AGTPBP1: variants seen among roughly 807,000 people sequenced by gnomAD.
AGTPBP1 encodes ATP/GTP binding carboxypeptidase 1.
In AGTPBP1, 70 loss-of-function variants were observed where a neutral mutation model predicts 143.9. The ratio of observed to expected loss-of-function variants is 0.49; its 90% confidence interval spans 0.40 to 0.59. The LOEUF (loss-of-function observed/expected upper bound fraction) is 0.59. Among genes scored for constraint, AGTPBP1 ranks in the 20% least tolerant of loss-of-function variants. AGTPBP1 has a pLI of 0.00. For missense variants in AGTPBP1, 1,229 were observed against 1,464.5 expected, an observed-to-expected ratio of 0.84 and a Z score of 2.62; for synonymous variants, 463 against 500.2, an observed-to-expected ratio of 0.93 and a Z score of 0.99.
intron 25 of AGTPBP1, among the ~76,000 whole-genome samples, chr9:85,566,598 C>G (rs1827118884): frequency 6.6e-6 from 1 of 150,574 alleles, no homozygotes; most frequent in Non-Finnish European, 1.5e-5. Context: ...ATCCCTGTCC[C>G]AAAGACAGAG....
intron 17 of AGTPBP1, among the ~76,000 whole-genome samples, chr9:85,599,411 G>T (rs1829519220): frequency 6.6e-6 from 1 of 151,846 alleles, no homozygotes; most frequent in South Asian, 2.1e-4. Context: ...TTATTGGTTT[G>T]GTGGCATTGC....
At chr9:85,668,964 TAC>T (rs1452319143) in intron 8 of AGTPBP1, among the ~76,000 whole-genome samples, 9 of 101,276 alleles carry the variant, frequency 8.9e-5, no homozygotes, top group African/African-American at 3.8e-4. Flanking sequence ...CATACATACA[TAC>T]ATGTGTGTGT....
At chr9:85,634,826 A>C (rs752695647) in intron 13 of AGTPBP1, among the ~76,000 whole-genome samples, 5 of 152,222 alleles carry the variant, frequency 3.3e-5, no homozygotes, top group Non-Finnish European at 2.9e-5. Flanking sequence ...CAATTTTAAT[A>C]ATGCAAACTG....
rs772354977 is a variant in AGTPBP1, at chr9:85,619,224, T to C, written c.2177A>G (p.Gln726Arg). Residue 726 changes from glutamine to arginine, a missense_variant, in exon 16 of 26, where the codon CAA becomes CGA. Coordinates refer to ENST00000357081, the MANE Select transcript of AGTPBP1 (RefSeq NM_001330701.2). ...ATCTTAAGTGACTTACTTTCTAATT[T>C]GAATTACTTTGCGCAGATTCCCAGA... ...FESGNLRKVI[Q>R]IRKNEYDLIL... 32 of 1,612,480 alleles carry C rather than the reference T, an allele frequency of 2.0e-5. No individual in the cohort carries two copies. The highest frequency in any genetic ancestry group is 2.7e-5 in the Non-Finnish European group (32 of 1,179,410).
chr9:85,580,846 C>A (rs1420205762), intron 23 of AGTPBP1, among the ~76,000 whole-genome samples: 1 of 152,118 alleles, frequency 6.6e-6, no homozygotes, highest in Non-Finnish European at 1.5e-5. Context: ...CAGATTCAGA[C>A]ATGATGATCT....
In AGTPBP1 at chr9:85,677,566, C is replaced by T. The variant is rs1456130326; in HGVS notation, c.306G>A (p.Val102=). 1.3e-6 allele frequency: 2 copies of T among 1,543,430 alleles called. No individual in the cohort carries two copies. The highest frequency in any genetic ancestry group is 4.4e-5 in the Admixed American group (2 of 45,342). The change falls in exon 6 of 26, where the codon GTG becomes GTA. Residue 102 remains valine (V), a synonymous_variant. Coordinates refer to ENST00000357081, the MANE Select transcript of AGTPBP1 (RefSeq NM_001330701.2). ...ELVSAGGGRR[V]SFLVTKGGSQ... ...AACCACCTTTGGTGACTAAGAAACTCACTCTTCGACCTCCACCTAAAAATT... is the reference window on the plus strand; with the variant it reads ...AACCACCTTTGGTGACTAAGAAACTTACTCTTCGACCTCCACCTAAAAATT...
intron 1 of AGTPBP1, among the ~76,000 whole-genome samples, chr9:85,715,405 A>G (rs1279424115): frequency 6.6e-6 from 1 of 152,162 alleles, no homozygotes; most frequent in African/African-American, 2.4e-5. Context: ...GAAACTAGGA[A>G]CCTAGCACTC....
intron 25 of AGTPBP1, among the ~76,000 whole-genome samples, chr9:85,571,225 A>G (rs1358765185): frequency 6.6e-6 from 1 of 152,228 alleles, no homozygotes; most frequent in Non-Finnish European, 1.5e-5. Flanking sequence ...AGGCTTACAT[A>G]TAAATACCGT....
At chr9:85,618,008 G>A (rs575159535) in intron 17 of AGTPBP1, among the ~76,000 whole-genome samples, 1 of 152,298 alleles carries the variant, frequency 6.6e-6, no homozygotes, top group Admixed American at 6.5e-5. Context: ...GGGAAGCCAA[G>A]GTGGGCAGAT....
chr9:85,795,595 G>A, the AGTPBP1 span, among the ~76,000 whole-genome samples: 1 of 152,104 alleles, frequency 6.6e-6, no homozygotes, highest in African/African-American at 2.4e-5. Flanking sequence ...TGCTTTTAAG[G>A]GGCTCACAAA....
In AGTPBP1 at chr9:85,718,991, TTATATC is replaced by T. The variant is rs549931506; in HGVS notation, c.-33-6431_-33-6426del. On this transcript the variant is annotated intron_variant, in intron 1 of 25. Coordinates refer to ENST00000357081, the MANE Select transcript of AGTPBP1 (RefSeq NM_001330701.2). ...ATCAGATGGTTGCAGATGTATGGTGTTATATCTGAGGCCTCTGTTCTGTTCCATTGG... is the reference window on the plus strand; with the variant it reads ...ATCAGATGGTTGCAGATGTATGGTGTTGAGGCCTCTGTTCTGTTCCATTGG... Among the ~76,000 whole-genome samples the T allele has an allele frequency of 3.8e-3, 582 of 152,288 alleles. 2 individuals are homozygous for T. Among genetic ancestry groups the T allele is most frequent in the African/African-American group, 0.013 (555 of 41,554 alleles).
chr9:85,763,749 A>G, the AGTPBP1 span, among the ~76,000 whole-genome samples: 6 of 152,262 alleles, frequency 3.9e-5, no homozygotes, highest in Admixed American at 3.9e-4. Flanking sequence ...AAACACCAGA[A>G]GAACCAACTG....
chr9:85,666,375 G>A (rs1028101315), intron 8 of AGTPBP1, among the ~76,000 whole-genome samples: 2 of 152,068 alleles, frequency 1.3e-5, no homozygotes, highest in African/African-American at 4.8e-5. Flanking sequence ...ATTAAATGTG[G>A]AGCATTGTTT....
intron 23 of AGTPBP1, among the ~76,000 whole-genome samples, chr9:85,579,698 T>C (rs951067913): frequency 4.6e-5 from 7 of 150,852 alleles, no homozygotes; most frequent in South Asian, 4.2e-4. Flanking sequence ...GATACTGATA[T>C]AGGAACAGAT....
intron 13 of AGTPBP1, among the ~76,000 whole-genome samples, chr9:85,636,503 C>G (rs771688404): frequency 6.6e-6 from 1 of 151,962 alleles, no homozygotes; most frequent in Non-Finnish European, 1.5e-5. Flanking sequence ...TGTGATCCCC[C>G]CTCTTGGCCT....
At chr9:85,579,670 T>C (rs1180193320) in intron 23 of AGTPBP1, among the ~76,000 whole-genome samples, 3 of 151,314 alleles carry the variant, frequency 2.0e-5, no homozygotes, top group Non-Finnish European at 4.4e-5. Context: ...CTCATAAATC[T>C]AAAGTAAATT....
At chr9:85,790,405 T>C in the AGTPBP1 span, among the ~76,000 whole-genome samples, 6 of 152,266 alleles carry the variant, frequency 3.9e-5, no homozygotes, top group African/African-American at 1.4e-4. Context: ...TACACCAAGG[T>C]TGACTGCTGC....
intron 17 of AGTPBP1, among the ~76,000 whole-genome samples, chr9:85,618,225 T>G (rs980842823): frequency 7.6e-6 from 1 of 131,376 alleles, no homozygotes; most frequent in South Asian, 2.5e-4. Flanking sequence ...AGAGCAAAAC[T>G]CCATCTCAAA....
chr9:85,741,762 G>C lies in AGTPBP1; in HGVS notation c.-34+13C>G. 7.6e-7 allele frequency: 1 copy of C among 1,324,116 alleles called. No homozygotes were observed. The highest frequency in any genetic ancestry group is 9.6e-7 in the Non-Finnish European group (1 of 1,040,260). The allele number at this position is 1,324,116 out of a possible 1,614,324, so 82.0% of individuals were successfully genotyped here. ...GGCCGGCCGGGACATGAGGACTGCA[G>C]CAGGGCGCTCACCGGCTCAGGATGG... On this transcript the variant is annotated intron_variant, in intron 1 of 25. Transcript: ENST00000357081.
Sources: allele counts gnomAD v4.1 joint callset (sites outside exome capture counted in the v4.1 genomes callset), GRCh38; gene constraint gnomAD v4.1.1; transcripts MANE v1.5; gene names NCBI Gene and HGNC (gene_info 2026-07-23, HGNC 2026-07-21).